The following ADGRB3 variants were observed in gnomAD, a reference collection of about 807,000 sequenced individuals.
ADGRB3 encodes brain-specific angiogenesis inhibitor 3.
ADGRB3 carries 37 observed loss-of-function variants against 193.4 expected under a neutral mutation model. That is an observed-to-expected ratio of 0.19 (90% confidence interval 0.15 to 0.25). The LOEUF is 0.25. Among genes scored for constraint, ADGRB3 ranks in the 10% least tolerant of loss-of-function variants. ADGRB3 has a pLI of 1.00. For synonymous variants in ADGRB3, 690 were observed against 644.2 expected (o/e 1.07, Z -1.08); for missense variants, 1,637 against 1,852.9 (o/e 0.88, Z 2.14).
chr6:69,332,349 A>G (rs961225057), intron 23 of ADGRB3: 3 of 985,438 alleles, frequency 3.0e-6, no homozygotes, highest in Non-Finnish European at 2.4e-6. Context: ...CCATTGTGAA[A>G]AAGATTCTGG....
At chr6:68,870,497 C>T (rs1417070708) in intron 3 of ADGRB3, among the ~76,000 whole-genome samples, 1 of 152,038 alleles carries the variant, frequency 6.6e-6, no homozygotes, top group South Asian at 2.1e-4. Flanking sequence ...TATCTCAGAC[C>T]GTTTGCTAAA....
intron 8 of ADGRB3, among the ~76,000 whole-genome samples, chr6:68,968,698 A>G (rs1464866210): frequency 6.6e-6 from 1 of 152,164 alleles, no homozygotes; most frequent in African/African-American, 2.4e-5. Context: ...TTAAAAACGG[A>G]CGAGTCGTTG....
chr6:68,675,729 T>C (rs1769072372), intron 3 of ADGRB3, among the ~76,000 whole-genome samples: 1 of 152,164 alleles, frequency 6.6e-6, no homozygotes, highest in African/African-American at 2.4e-5. Context: ...TACCTTCCCC[T>C]GTAAGTGGGA....
chr6:69,196,316 A>G (rs1765295582), intron 17 of ADGRB3, among the ~76,000 whole-genome samples: 1 of 152,114 alleles, frequency 6.6e-6, no homozygotes, highest in Non-Finnish European at 1.5e-5. Flanking sequence ...TAAATTGGTA[A>G]ACAGGCTGGC....
rs993124481 is a variant in ADGRB3, at chr6:68,697,396, G to A, written c.757+57964G>A. Among the ~76,000 whole-genome samples the A allele has an allele frequency of 2.0e-5, 3 of 151,466 alleles. 1 individual carries two copies. The highest frequency in any genetic ancestry group is 2.9e-5 in the Non-Finnish European group (2 of 67,806). ...AAGTGGCAAATGAATTTTTCTCTTC[G>A]AGCATGTAAACTCATTTATATACTT... On this transcript the variant is annotated intron_variant, in intron 3 of 31. Coordinates refer to ENST00000370598, the MANE Select transcript of ADGRB3 (RefSeq NM_001704.3).
intron 30 of ADGRB3, among the ~76,000 whole-genome samples, chr6:69,378,633 G>C (rs560987751): frequency 2.0e-5 from 3 of 151,942 alleles, no homozygotes; most frequent in Non-Finnish European, 2.9e-5. Flanking sequence ...ACCCTGCAAC[G>C]TAAGTCTGAT....
intron 6 of ADGRB3, among the ~76,000 whole-genome samples, chr6:68,947,078 C>T (rs139287444): frequency 6.6e-6 from 1 of 152,126 alleles, no homozygotes; most frequent in African/African-American, 2.4e-5. Flanking sequence ...AATTTGCATC[C>T]CCTGTCTGAG....
At chr6:69,100,864 A>G (rs1475180135) in intron 17 of ADGRB3, among the ~76,000 whole-genome samples, 23 of 5,900 alleles carry the variant, frequency 3.9e-3, no homozygotes, top group South Asian at 0.02. Context: ...GAAGGAAGGA[A>G]GGAAGGAAGA....
At chr6:69,002,409 G>A (rs1201861966) in intron 11 of ADGRB3, among the ~76,000 whole-genome samples, 2 of 151,902 alleles carry the variant, frequency 1.3e-5, no homozygotes, top group Non-Finnish European at 2.9e-5. Flanking sequence ...AATAGACAAG[G>A]GATTTCGCCA....
intron 15 of ADGRB3, among the ~76,000 whole-genome samples, chr6:69,060,220 T>TTCTCTCTC (rs556453350): frequency 0.12 from 16,063 of 129,438 alleles, 1,119 homozygotes; most frequent in Middle Eastern, 0.17. Context: ...CTCTCTCTCT[T>TTCTCTCTC]TCTCTCTCTC....
chr6:68,761,967 G>T (rs1031353844), intron 3 of ADGRB3, among the ~76,000 whole-genome samples: 1 of 152,068 alleles, frequency 6.6e-6, no homozygotes, highest in Non-Finnish European at 1.5e-5. Context: ...ATCATATAAT[G>T]ATTTAAACCA....
intron 3 of ADGRB3, among the ~76,000 whole-genome samples, chr6:68,767,595 G>A (rs1024091379): frequency 3.3e-5 from 5 of 152,056 alleles, no homozygotes; most frequent in Admixed American, 2.0e-4. Flanking sequence ...TATTGAATGG[G>A]CAAAAGCTGG....
At chr6:69,081,471 G>T (rs191654481) in intron 17 of ADGRB3, among the ~76,000 whole-genome samples, 1 of 151,732 alleles carries the variant, frequency 6.6e-6, no homozygotes, top group African/African-American at 2.4e-5. Context: ...ATTACAAAAA[G>T]CAATAGAAAA....
At chr6:68,934,151 AAC>A (rs1383266504) in intron 4 of ADGRB3, among the ~76,000 whole-genome samples, 1 of 152,188 alleles carries the variant, frequency 6.6e-6, no homozygotes, top group Non-Finnish European at 1.5e-5. Context: ...TTTGAGTTAT[AAC>A]AAGAACATTT....
chr6:68,727,357 T>C (rs529017163), intron 3 of ADGRB3, among the ~76,000 whole-genome samples: 5 of 151,740 alleles, frequency 3.3e-5, no homozygotes, highest in African/African-American at 1.2e-4. Flanking sequence ...GACTAGAAAT[T>C]AGGAATTCTT....
chr6:69,374,969 T>C (rs1020205806), intron 30 of ADGRB3, among the ~76,000 whole-genome samples: 2 of 152,038 alleles, frequency 1.3e-5, no homozygotes, highest in East Asian at 3.9e-4. Flanking sequence ...CTCAAGGAGA[T>C]AGAAAAATGG....
At chr6:69,046,799 T>C (rs1359660031) in intron 13 of ADGRB3, among the ~76,000 whole-genome samples, 1 of 152,242 alleles carries the variant, frequency 6.6e-6, no homozygotes, top group Non-Finnish European at 1.5e-5. Flanking sequence ...TTCTTAATTT[T>C]CATCCTCCTG....
At chr6:69,066,939 C>T (rs1771927535) in intron 16 of ADGRB3, among the ~76,000 whole-genome samples, 1 of 152,110 alleles carries the variant, frequency 6.6e-6, no homozygotes. Context: ...TTGTGTCTGA[C>T]AGGTCTGGGC....
chr6:69,114,020 G>T (rs1289201676), intron 17 of ADGRB3, among the ~76,000 whole-genome samples: 1 of 152,148 alleles, frequency 6.6e-6, no homozygotes, highest in Non-Finnish European at 1.5e-5. Flanking sequence ...CCAGGACAAT[G>T]AATGGCCCAA....
Sources: gnomAD v4.1 joint callset for allele counts (sites outside exome capture counted in the v4.1 genomes callset) on GRCh38, gnomAD v4.1.1 for gene constraint, MANE v1.5 for transcripts, NCBI Gene and HGNC (gene_info 2026-07-23, HGNC 2026-07-21) for gene names.